C12orf42: variants seen among roughly 807,000 people sequenced by gnomAD.
C12orf42 encodes chromosome 12 open reading frame 42.
C12orf42 carries 25 observed loss-of-function variants against 21.6 expected under a neutral mutation model. That is an observed-to-expected ratio of 1.16 (90% CI 0.84 to 1.62). The LOEUF is 1.62. Ranked by LOEUF, C12orf42 falls within the 40% of genes most tolerant of loss-of-function variation. The probability of loss-of-function intolerance (pLI) is 0.00; values close to 1 mark genes in which losing one functional copy is unlikely to be tolerated. For synonymous variants in C12orf42, 174 were observed against 175.0 expected (o/e 0.99, Z 0.05); for missense variants, 483 against 459.3 (o/e 1.05, Z -0.47).
At chr12:103,250,058 TCTATCTATC>T (rs918962724) in intron 10 of C12orf42, among the ~76,000 whole-genome samples, 47 of 24,534 alleles carry the variant, frequency 1.9e-3, no homozygotes, top group East Asian at 3.3e-3. Context: ...ATCAAAGACA[TCTATCTATC>T]TATCTATCTA....
intron 4 of C12orf42, among the ~76,000 whole-genome samples, chr12:103,323,840 C>T (rs1011199281): frequency 6.6e-6 from 1 of 152,130 alleles, no homozygotes; most frequent in African/African-American, 2.4e-5. Flanking sequence ...GAAATACTCC[C>T]TTTGGTAAGC....
intron 2 of C12orf42, among the ~76,000 whole-genome samples, chr12:103,455,208 C>A (rs1218236500): frequency 2.0e-5 from 3 of 152,046 alleles, no homozygotes; most frequent in Non-Finnish European, 4.4e-5. Context: ...TAAAAGGAAG[C>A]CATGGAGACT....
chr12:103,318,608 A>G (rs1182032372), intron 4 of C12orf42, among the ~76,000 whole-genome samples: 1 of 152,184 alleles, frequency 6.6e-6, no homozygotes, highest in Non-Finnish European at 1.5e-5. Context: ...AATGAACTTG[A>G]GCATCTCCCC....
At chr12:103,049,663 T>A in the C12orf42 span, among the ~76,000 whole-genome samples, 1 of 152,170 alleles carries the variant, frequency 6.6e-6, no homozygotes, top group Non-Finnish European at 1.5e-5. Context: ...TTTTCATTTT[T>A]TACTACTCTT....
At chr12:103,422,919 A>G (rs2050039866) in intron 2 of C12orf42, among the ~76,000 whole-genome samples, 1 of 152,052 alleles carries the variant, frequency 6.6e-6, no homozygotes, top group African/African-American at 2.4e-5. Context: ...GTCACTGCAT[A>G]CTGTGTATTT....
chr12:103,325,193 T>C (rs2040562770), intron 4 of C12orf42, among the ~76,000 whole-genome samples: 1 of 152,204 alleles, frequency 6.6e-6, no homozygotes, highest in Non-Finnish European at 1.5e-5. Flanking sequence ...ACTGATTACA[T>C]GTTCACAGCT....
chr12:103,089,255 A>G, the C12orf42 span, among the ~76,000 whole-genome samples: 1 of 151,962 alleles, frequency 6.6e-6, no homozygotes, highest in Non-Finnish European at 1.5e-5. Flanking sequence ...AGTCAGAACC[A>G]CTCACCTTAG....
chr12:103,472,724 G>A (rs1953727434), intron 2 of C12orf42, among the ~76,000 whole-genome samples: 1 of 152,182 alleles, frequency 6.6e-6, no homozygotes, highest in Non-Finnish European at 1.5e-5. Context: ...AGATGGAAAG[G>A]CCATAGCAAT....
At chr12:103,184,707 T>G in the C12orf42 span, among the ~76,000 whole-genome samples, 1 of 100,422 alleles carries the variant, frequency 1.0e-5, no homozygotes, top group Non-Finnish European at 2.1e-5. Flanking sequence ...TAGGCTGAAT[T>G]GTCACCCCCC....
chr12:103,550,550 T>G, the C12orf42 span: 3 of 152,200 alleles, frequency 2.0e-5, no homozygotes, highest in Admixed American at 2.0e-4. Flanking sequence ...AAGCCTCTGC[T>G]GATGAATTGG....
downstream of C12orf42, among the ~76,000 whole-genome samples, chr12:103,299,044 T>TA (rs1425288301): frequency 3.9e-5 from 6 of 152,198 alleles, no homozygotes; most frequent in African/African-American, 1.4e-4. Context: ...CTCACTTATG[T>TA]ACCAACCGCA....
intron 2 of C12orf42, among the ~76,000 whole-genome samples, chr12:103,449,855 T>C (rs79055578): frequency 0.011 from 1,682 of 151,690 alleles, 43 homozygotes; most frequent in African/African-American, 0.039. Flanking sequence ...AACTCTAAAA[T>C]TAATGGGAAG....
chr12:103,466,168 G>A (rs1165464438), intron 2 of C12orf42, among the ~76,000 whole-genome samples: 2 of 152,188 alleles, frequency 1.3e-5, no homozygotes, highest in East Asian at 1.9e-4. Flanking sequence ...AGTTTCAGAA[G>A]AAATAGTACC....
chr12:103,478,358 G>A lies in C12orf42; in HGVS notation c.69C>T (p.Asn23=). The A allele has an allele frequency of 6.3e-7, 1 of 1,598,884 alleles. No homozygotes were observed. The highest frequency in any genetic ancestry group is 8.5e-7 in the Non-Finnish European group (1 of 1,169,712). The change falls in exon 2 of 6, where the codon AAC becomes AAT. Residue 23 remains asparagine (N), a synonymous_variant. Coordinates refer to ENST00000548883, the MANE Select transcript of C12orf42 (RefSeq NM_198521.5). ...ATCTCTTATGCATTACCTGCATCCT[G>A]TTTGCAAAAGGTCTGATGGTTAGCA... The part of the protein sequence containing the change: ...EFLLTIRPFA[N]RMQKSPCYIP...
rs768520287 is a variant in C12orf42 at position 103,401,575 on chromosome 12, G to C, written c.147+32C>G. The C allele has an allele frequency of 3.1e-6, 5 of 1,595,294 alleles. No individual in the cohort carries two copies. The African/African-American group carries it at 6.7e-5, about 21-fold the overall frequency. On this transcript the variant is annotated intron_variant, in intron 3 of 5. Transcript: ENST00000548883. Reference sequence around the variant, plus strand: ...GAACCCTAAAGGACGGCACTATGGAGCAGCCCTGCACATAACATTCCGCTG... The same window carrying C: ...GAACCCTAAAGGACGGCACTATGGACCAGCCCTGCACATAACATTCCGCTG...
At chr12:103,355,212 T>C (rs2043431321) in intron 4 of C12orf42, among the ~76,000 whole-genome samples, 1 of 152,092 alleles carries the variant, frequency 6.6e-6, no homozygotes, top group Non-Finnish European at 1.5e-5. Flanking sequence ...ACATAGCAAG[T>C]TGTCAGTAAG....
chr12:103,106,817 T>G, the C12orf42 span, among the ~76,000 whole-genome samples: 1 of 151,932 alleles, frequency 6.6e-6, no homozygotes, highest in Non-Finnish European at 1.5e-5. Context: ...TAGGAATTAA[T>G]TTAACTCCAT....
the C12orf42 span, among the ~76,000 whole-genome samples, chr12:103,142,067 C>A: frequency 6.6e-6 from 1 of 152,112 alleles, no homozygotes. Context: ...CCTTTCATTT[C>A]TGTTTTCCTT....
rs145777699 is a variant in C12orf42 at position 103,407,886 on chromosome 12, T to C, written c.79-6211A>G. On this transcript the variant is annotated intron_variant, in intron 2 of 5. Coordinates refer to ENST00000548883, the MANE Select transcript of C12orf42 (RefSeq NM_198521.5). ...CACATGCTTTTCAAAGGTTGAGTTTTGAAAAATAAGATCAGACAGTAAAGG... is the reference window on the plus strand; with the variant it reads ...CACATGCTTTTCAAAGGTTGAGTTTCGAAAAATAAGATCAGACAGTAAAGG... Among the ~76,000 whole-genome samples, 39 of 152,282 alleles carry C rather than the reference T, an allele frequency of 2.6e-4. 1 individual carries two copies. Among genetic ancestry groups the C allele is most frequent in the African/African-American group, 9.1e-4 (38 of 41,564 alleles).
Sources: gnomAD v4.1 joint callset for allele counts (sites outside exome capture counted in the v4.1 genomes callset) on GRCh38, gnomAD v4.1.1 for gene constraint, MANE v1.5 for transcripts, NCBI Gene and HGNC (gene_info 2026-07-23, HGNC 2026-07-21) for gene names.